OR51E2: variants seen among roughly 807,000 people sequenced by gnomAD.
The protein encoded by OR51E2 is olfactory receptor 51E2.
Under a neutral mutation model 13.7 loss-of-function variants are expected in OR51E2, and 14 were observed. That is an observed-to-expected ratio of 1.02 (90% confidence interval 0.68 to 1.60). The LOEUF (loss-of-function observed/expected upper bound fraction) is 1.60, where lower values mean the gene tolerates loss of function less well. OR51E2 is among the 40% of genes most tolerant of loss of function. OR51E2 has a pLI of 0.00. For missense variants in OR51E2, 483 were observed against 413.8 expected (o/e 1.17, Z -1.45); for synonymous variants, 180 against 157.6 (o/e 1.14, Z -1.07).
chr11:4,683,459 A>G lies in OR51E2; in HGVS notation c.-50-698T>C, dbSNP rs186313613. ...ACTAAGAAAAAAATGCCAAAAGTCA[A>G]TCTCTTTCGGATTAAAGGAAACTCA... On this transcript the variant is annotated intron_variant, in intron 1 of 1. Transcript: ENST00000396950. Among the ~76,000 whole-genome samples the G allele has an allele frequency of 2.9e-3, 445 of 152,304 alleles. 3 individuals are homozygous for G. The highest frequency in any genetic ancestry group is 0.01 in the African/African-American group (427 of 41,570).
intron 1 of OR51E2, among the ~76,000 whole-genome samples, chr11:4,691,878 G>A (rs1266282498): frequency 1.3e-5 from 2 of 152,192 alleles, no homozygotes; most frequent in Non-Finnish European, 2.9e-5. Context: ...TTCAACTGCT[G>A]TAGTGGGCAC....
chr11:4,685,168 A>G (rs186521453), intron 1 of OR51E2: 1 of 152,226 alleles, frequency 6.6e-6, no homozygotes, highest in Non-Finnish European at 1.5e-5. Context: ...AGGCAGTGAG[A>G]GTATGAACTG....
At position 4,682,600 on chromosome 11, in the gene OR51E2, T is replaced by C; in HGVS notation, c.112A>G (p.Met38Val). Residue 38 changes from methionine to valine, a missense_variant, in exon 2 of 2, where the codon ATG becomes GTG. Met to Val is a conservative substitution (Grantham distance 21). Coordinates refer to ENST00000396950, the MANE Select transcript of OR51E2 (RefSeq NM_030774.4). ...FPLLSMYVVA[M>V]FGNCIVVFIV... ...AAGACCACGATGCAGTTTCCAAACA[T>C]TGCCACTACATACATGGAAAGGAGG... 1.2e-6 allele frequency: 2 copies of C among 1,614,128 alleles called. No individual in the cohort carries two copies. The highest frequency in any genetic ancestry group is 1.7e-6 in the Non-Finnish European group (2 of 1,180,020).
In OR51E2 at chr11:4,680,555, T is replaced by A. The variant is rs1188887075; in HGVS notation, c.*1194A>T. ...GTCATTAAGTAACTGTATTCAACCA[T>A]CAAATTTAATTTTAAATCTTGGCAC... On this transcript the variant is annotated 3_prime_UTR_variant, in exon 2 of 2. Coordinates refer to ENST00000396950, the MANE Select transcript of OR51E2 (RefSeq NM_030774.4). 6.6e-6 allele frequency: 1 copy of A among 152,638 alleles called. No homozygotes were observed. Among genetic ancestry groups the A allele is most frequent in the East Asian group, 1.9e-4 (1 of 5,200 alleles). 9.5% of individuals were successfully genotyped at this position (152,638 alleles called of 1,614,324 possible). A position where few individuals can be genotyped will look rare whatever the true frequency, so the allele number is the denominator to read the frequency against.
Position 4,682,224 on chromosome 11 carries a change from T to G in OR51E2, c.488A>C (p.Lys163Thr), listed in dbSNP as rs747842783. ...ATTGGAGTGGCAGAAGGCCAGCCGC[T>G]TGATCAGCAGAGGCAGTGGGAAAAA... is the stretch of plus-strand genomic sequence containing the variant. ...LFFFPLPLLIKRLAFCHSNVL... is the reference protein window; with the variant it reads ...LFFFPLPLLITRLAFCHSNVL... Residue 163 changes from lysine (K) to threonine (T), a missense_variant, in exon 2 of 2, where the codon AAG becomes ACG. Lys to Thr is a moderately conservative substitution (Grantham distance 78). Transcript: ENST00000396950. 5 of 1,614,160 alleles carry G rather than the reference T, an allele frequency of 3.1e-6. No individual in the cohort carries two copies. The South Asian group carries it at 5.5e-5, about 18-fold the overall frequency.
At chr11:4,686,892 T>C (rs1214048580) in intron 1 of OR51E2, among the ~76,000 whole-genome samples, 2 of 152,140 alleles carry the variant, frequency 1.3e-5, no homozygotes, top group Non-Finnish European at 2.9e-5. Context: ...GCTTATAAGC[T>C]GCCAGGACTG....
Position 4,681,886 on chromosome 11 carries a change from C to G in OR51E2, c.826G>C (p.Gly276Arg). The G allele has an allele frequency of 6.2e-7, 1 of 1,614,094 alleles. No individual in the cohort carries two copies. Among genetic ancestry groups the G allele is most frequent in the South Asian group, 1.1e-5 (1 of 91,072 alleles). Reference sequence around the variant, plus strand: ...GGAGGCAGCAGCAGGTAGATGTCACCCATGACAACACGCACAATGGGATGA... The same window carrying G: ...GGAGGCAGCAGCAGGTAGATGTCACGCATGACAACACGCACAATGGGATGA... ...SLHPIVRVVM[G>R]DIYLLLPPVI... Residue 276 changes from glycine to arginine, a missense_variant, in exon 2 of 2, where the codon GGT becomes CGT. Coordinates refer to ENST00000396950, the MANE Select transcript of OR51E2 (RefSeq NM_030774.4).
intron 1 of OR51E2, among the ~76,000 whole-genome samples, chr11:4,696,847 G>T (rs865820335): frequency 6.6e-6 from 1 of 152,156 alleles, no homozygotes; most frequent in Non-Finnish European, 1.5e-5. Context: ...AGTGTCATCA[G>T]TATTCTCCAT....
chr11:4,686,080 G>C (rs1847512467), intron 1 of OR51E2, among the ~76,000 whole-genome samples: 1 of 152,292 alleles, frequency 6.6e-6, no homozygotes, highest in African/African-American at 2.4e-5. Context: ...TGTGTAATAA[G>C]CACATTCTCA....
chr11:4,686,405 A>G (rs1589872896), intron 1 of OR51E2, among the ~76,000 whole-genome samples: 1 of 152,306 alleles, frequency 6.6e-6, no homozygotes, highest in East Asian at 1.9e-4. Flanking sequence ...TGGAGAGGTC[A>G]ATGGATGTGA....
At position 4,697,655 on chromosome 11, in the gene OR51E2, A is replaced by C. The variant is rs1249669808; in HGVS notation, c.-53T>G. 1 of 152,648 alleles carries C rather than the reference A, an allele frequency of 6.6e-6. No individual in the cohort carries two copies. Among genetic ancestry groups the C allele is most frequent in the Non-Finnish European group, 1.5e-5 (1 of 68,040 alleles). 9.5% of individuals were successfully genotyped at this position (152,648 alleles called of 1,614,324 possible). A position where few individuals can be genotyped will look rare whatever the true frequency, so the allele number is the denominator to read the frequency against. On this transcript the variant is annotated splice_region_variant and 5_prime_UTR_variant, in exon 1 of 2. Transcript: ENST00000396950. ...TTGAACAAAACAGTTTTACTTACAG[A>C]GCCCATACAGCAGTTCGGCCTGTTC...
At position 4,682,198 on chromosome 11, in the gene OR51E2, C is replaced by T. The variant is rs1847460637; in HGVS notation, c.514G>A (p.Val172Ile). 6.2e-7 allele frequency: 1 copy of T among 1,614,120 alleles called. No individual in the cohort carries two copies. The highest frequency in any genetic ancestry group is 1.3e-5 in the African/African-American group (1 of 75,000). The change falls in exon 2 of 2, where the codon GTC (valine) becomes ATC (isoleucine). Residue 172 changes from valine to isoleucine, a missense_variant. By Grantham distance (29) the Val-to-Ile change is conservative. Coordinates refer to ENST00000396950, the MANE Select transcript of OR51E2 (RefSeq NM_030774.4). ...TGGACACAATAGGAGTGCGAGAGGA[C>T]ATTGGAGTGGCAGAAGGCCAGCCGC... ...IKRLAFCHSN[V>I]LSHSYCVHQD... is the part of the protein sequence containing the mutation.
In OR51E2 at chr11:4,692,484, A is replaced by G. The variant is rs922217172; in HGVS notation, c.-51+5169T>C. Among the ~76,000 whole-genome samples the G allele has an allele frequency of 3.1e-4, 48 of 152,382 alleles. 2 individuals are homozygous for G. Among genetic ancestry groups the G allele is most frequent in the Admixed American group, 2.6e-4 (4 of 15,308 alleles). ...CAGAATCTCTCTATTTTGTTAAGAC[A>G]TACTTCTTAGGAGATACCTAATTGA... On this transcript the variant is annotated intron_variant, in intron 1 of 1. Transcript: ENST00000396950.
At position 4,682,747 on chromosome 11, in the gene OR51E2, G is replaced by A; in HGVS notation, c.-36C>T. ...GAGGAGGGGTGACTGGAGAGGGTGAGGTCACACTGGCAGTCTGCAGGGACA... is the reference window on the plus strand; with the variant it reads ...GAGGAGGGGTGACTGGAGAGGGTGAAGTCACACTGGCAGTCTGCAGGGACA... On this transcript the variant is annotated 5_prime_UTR_variant, in exon 2 of 2. Coordinates refer to ENST00000396950, the MANE Select transcript of OR51E2 (RefSeq NM_030774.4). 6.3e-7 allele frequency: 1 copy of A among 1,594,008 alleles called. No individual in the cohort carries two copies. The highest frequency in any genetic ancestry group is 1.1e-5 in the South Asian group (1 of 87,206).
intron 1 of OR51E2, chr11:4,685,005 C>G (rs373203451): frequency 3.9e-4 from 60 of 152,346 alleles, no homozygotes; most frequent in African/African-American, 1.3e-3. Context: ...CTTCAAGGTC[C>G]CTTAGGATGG....
rs1381706926 is a variant in OR51E2, at chr11:4,682,494, G to T, written c.218C>A (p.Ser73Tyr). 6.2e-7 allele frequency: 1 copy of T among 1,614,242 alleles called. No homozygotes were observed. Among genetic ancestry groups the T allele is most frequent in the Non-Finnish European group, 8.5e-7 (1 of 1,180,044 alleles). Residue 73 changes from serine (S) to tyrosine (Y), a missense_variant, in exon 2 of 2, where the codon TCC (serine) becomes TAC (tyrosine). Physicochemically the swap from Ser to Tyr is moderately radical, Grantham distance 144. Coordinates refer to ENST00000396950, the MANE Select transcript of OR51E2 (RefSeq NM_030774.4). ...CMLAAIDLAL[S>Y]TSTMPKILAL... ...AAGGATCTTAGGCATGGTGGATGTG[G>T]ATAAGGCCAGGTCAATGGCTGCAAG...
rs374310826 is a variant in OR51E2 at position 4,685,132 on chromosome 11, A to C, written c.-50-2371T>G. ...CTTTCTGGTTCAGGCCTTTTTAATA[A>C]TGCCACTCAGAAAGCCCATGGGAAC... is the stretch of plus-strand genomic sequence containing the variant. On this transcript the variant is annotated intron_variant, in intron 1 of 1. Transcript: ENST00000396950. The C allele has an allele frequency of 7.2e-5, 11 of 152,166 alleles. No homozygotes were observed. In the East Asian group the frequency reaches 2.1e-3, roughly 29 times the overall value. The allele number at this position is 152,166 out of a possible 1,614,324, so 9.4% of individuals were successfully genotyped here.
rs1163116698 is a variant in OR51E2, at chr11:4,680,932, G to A, written c.*817C>T. On this transcript the variant is annotated 3_prime_UTR_variant, in exon 2 of 2. Coordinates refer to ENST00000396950, the MANE Select transcript of OR51E2 (RefSeq NM_030774.4). ...TCTGTTGCCCAGGCTGGAGTGTAGTGGTACGATCGTGGATCACTGTAACCT... is the reference window on the plus strand; with the variant it reads ...TCTGTTGCCCAGGCTGGAGTGTAGTAGTACGATCGTGGATCACTGTAACCT... The A allele has an allele frequency of 6.6e-6, 1 of 152,198 alleles. No homozygotes were observed. Among genetic ancestry groups the A allele is most frequent in the Non-Finnish European group, 1.5e-5 (1 of 68,076 alleles). The allele number at this position is 152,198 out of a possible 1,614,324, so 9.4% of individuals were successfully genotyped here.
chr11:4,693,027 T>A lies in OR51E2; in HGVS notation c.-51+4626A>T, dbSNP rs920651019. On this transcript the variant is annotated intron_variant, in intron 1 of 1. Transcript: ENST00000396950. ...GAGTGATGAAAATATCTAAAATGTA[T>A]GATCAAACCTCTTAGAGAAATAAGA... Among the ~76,000 whole-genome samples the A allele has an allele frequency of 3.3e-5, 5 of 152,286 alleles. No individual in the cohort carries two copies. In the East Asian group the frequency reaches 9.6e-4, roughly 29 times the overall value.
Sources: gnomAD v4.1 joint callset for allele counts (sites outside exome capture counted in the v4.1 genomes callset) on GRCh38, gnomAD v4.1.1 for gene constraint, MANE v1.5 for transcripts, NCBI Gene and HGNC (gene_info 2026-07-23, HGNC 2026-07-21) for gene names.